SLC17A5: variants seen among roughly 807,000 people sequenced by gnomAD.
SLC17A5 encodes the protein sialin.
Under a neutral mutation model 59.4 loss-of-function variants are expected in SLC17A5, and 47 were observed. The ratio of observed to expected loss-of-function variants is 0.79; its 90% CI spans 0.63 to 1.01. The LOEUF is 1.01. Ranked by LOEUF, SLC17A5 falls within the 50% of genes least tolerant of loss-of-function variation. The pLI, the probability that SLC17A5 is intolerant of heterozygous loss-of-function variation, is 0.00. For missense variants in SLC17A5, 522 were observed against 595.5 expected (o/e 0.88, Z 1.28); for synonymous variants, 202 against 210.7 (o/e 0.96, Z 0.36).
intron 1 of SLC17A5, among the ~76,000 whole-genome samples, chr6:73,648,195 T>C (rs1213354274): frequency 2.0e-5 from 3 of 152,166 alleles, no homozygotes; most frequent in Non-Finnish European, 2.9e-5. Flanking sequence ...ATATATTCAA[T>C]CAGAAAATTT....
At chr6:73,615,912 G>GTCTTAC (rs1269345483) in intron 7 of SLC17A5, among the ~76,000 whole-genome samples, 1 of 122,084 alleles carries the variant, frequency 8.2e-6, no homozygotes, top group Non-Finnish European at 1.6e-5. Context: ...TTGAGATGGA[G>GTCTTAC]TCTTACTCTG....
At chr6:73,637,605 C>CT (rs1769077671) in intron 4 of SLC17A5, among the ~76,000 whole-genome samples, 1 of 152,174 alleles carries the variant, frequency 6.6e-6, no homozygotes, top group African/African-American at 2.4e-5. Flanking sequence ...TCCTTACTCA[C>CT]TGAGTTCTAG....
chr6:73,644,362 T>C, intron 2 of SLC17A5, 45 bp downstream of exon 2: 1 of 1,446,236 alleles, frequency 6.9e-7, no homozygotes. Flanking sequence ...TACTTGCAAG[T>C]ATTTTAGGAT....
chr6:73,600,263 A>G, intron 10 of SLC17A5, 88 bp downstream of exon 10: 2 of 1,015,440 alleles, frequency 2.0e-6, no homozygotes, highest in South Asian at 2.7e-5. Flanking sequence ...AACATTTAGA[A>G]TTTTAAACTT....
chr6:73,597,071 G>C (rs1032639978), intron 10 of SLC17A5, among the ~76,000 whole-genome samples: 6 of 152,158 alleles, frequency 3.9e-5, no homozygotes, highest in African/African-American at 1.4e-4. Context: ...TGAGGCAGGA[G>C]AATTGCTTGA....
intron 6 of SLC17A5, among the ~76,000 whole-genome samples, chr6:73,623,840 G>A (rs1318843872): frequency 6.6e-6 from 1 of 151,792 alleles, no homozygotes; most frequent in East Asian, 2.0e-4. Flanking sequence ...TGGAATCACA[G>A]GCACGTGCCA....
At chr6:73,631,832 T>G (rs1426394974) in intron 6 of SLC17A5, among the ~76,000 whole-genome samples, 1 of 151,624 alleles carries the variant, frequency 6.6e-6, no homozygotes, top group African/African-American at 2.4e-5. Context: ...TTTTTTCCTC[T>G]TATTCATTTT....
At chr6:73,634,655 C>G (rs1429400339) in intron 6 of SLC17A5, among the ~76,000 whole-genome samples, 1 of 152,230 alleles carries the variant, frequency 6.6e-6, no homozygotes, top group Non-Finnish European at 1.5e-5. Flanking sequence ...CTGCCTCAGC[C>G]TCCCAAAGTG....
chr6:73,639,994 C>T (rs561942772), intron 3 of SLC17A5, among the ~76,000 whole-genome samples: 21 of 152,184 alleles, frequency 1.4e-4, no homozygotes, highest in Admixed American at 5.9e-4. Flanking sequence ...TGCAGTGAGC[C>T]GAGATCATGC....
At chr6:73,639,004 A>T (rs1349573171) in intron 3 of SLC17A5, among the ~76,000 whole-genome samples, 1 of 152,228 alleles carries the variant, frequency 6.6e-6, no homozygotes, top group Non-Finnish European at 1.5e-5. Context: ...ACTTTAAAAA[A>T]TACTGAGCTA....
chr6:73,610,569 A>T (rs1581962651), intron 8 of SLC17A5, 22 bp from the exon 9 acceptor site: 1 of 1,613,606 alleles, frequency 6.2e-7, no homozygotes, highest in Non-Finnish European at 8.5e-7. Flanking sequence ...AAGTTATAAA[A>T]GGGAAAAAAC....
intron 4 of SLC17A5, 103 bp from the exon 5 acceptor site, chr6:73,636,810 G>A: frequency 2.3e-6 from 2 of 859,416 alleles, no homozygotes; most frequent in South Asian, 1.4e-5. Flanking sequence ...GCTGGGCACA[G>A]TGGCTCATTC....
chr6:73,621,538 T>C (rs1482248978), intron 7 of SLC17A5, among the ~76,000 whole-genome samples: 3 of 152,244 alleles, frequency 2.0e-5, no homozygotes, highest in Non-Finnish European at 4.4e-5. Flanking sequence ...AAAACTGAGT[T>C]GTCTTTTTAT....
Position 73,653,963 on chromosome 6 carries a change from C to G in SLC17A5, c.-77G>C, listed in dbSNP as rs932672386. 8.3e-6 allele frequency: 11 copies of G among 1,329,496 alleles called. No homozygotes were observed. In the South Asian group the frequency reaches 1.0e-4, roughly 12 times the overall value. The allele number at this position is 1,329,496 out of a possible 1,614,324, so 82.4% of individuals were successfully genotyped here. ...GCCCGACAGCCCGAAGCCCCCGGGCCGAGCTGGCTGGACCGGGCGGGGCGG... is the reference window on the plus strand; with the variant it reads ...GCCCGACAGCCCGAAGCCCCCGGGCGGAGCTGGCTGGACCGGGCGGGGCGG... On this transcript the variant is annotated 5_prime_UTR_variant, in exon 1 of 11. Transcript: ENST00000355773.
In SLC17A5 at chr6:73,635,093, T is replaced by A. The variant is rs635750; in HGVS notation, c.819+289A>T. Reference sequence around the variant, plus strand: ...TTTGTTCATATTTATGTATTTAAAATTTTTTTTTAAATATTTTAAATGTTT... The same window carrying A: ...TTTGTTCATATTTATGTATTTAAAAATTTTTTTTAAATATTTTAAATGTTT... On this transcript the variant is annotated intron_variant, in intron 6 of 10. Transcript: ENST00000355773. The A allele has an allele frequency of 0.16, 26,184 of 168,174 alleles. 3,185 individuals are homozygous for A. Among genetic ancestry groups the A allele is most frequent in the African/African-American group, 0.34 (14,435 of 41,900 alleles). The allele number at this position is 168,174 out of a possible 1,614,324, so 10.4% of individuals were successfully genotyped here.
chr6:73,613,940 G>A (rs529588575), intron 8 of SLC17A5, among the ~76,000 whole-genome samples: 90 of 151,956 alleles, frequency 5.9e-4, no homozygotes, highest in African/African-American at 2.1e-3. Flanking sequence ...GCAATAAAGC[G>A]AGACCTTGTC....
chr6:73,634,341 G>T (rs490454), intron 6 of SLC17A5, among the ~76,000 whole-genome samples: 24,865 of 152,128 alleles, frequency 0.16, 3,142 homozygotes, highest in African/African-American at 0.35. Flanking sequence ...AACCAGAAGT[G>T]TTTTGGATTC....
At chr6:73,640,403 C>A (rs1408588519) in intron 3 of SLC17A5, among the ~76,000 whole-genome samples, 1 of 152,200 alleles carries the variant, frequency 6.6e-6, no homozygotes, top group Non-Finnish European at 1.5e-5. Context: ...ATCCTTATCA[C>A]ATATGAATTT....
intron 9 of SLC17A5, among the ~76,000 whole-genome samples, chr6:73,609,409 C>T (rs925965510): frequency 4.6e-5 from 7 of 152,098 alleles, no homozygotes; most frequent in Non-Finnish European, 7.3e-5. Context: ...GTTTCTTTAG[C>T]GTTCAAATAG....
Sources: allele counts gnomAD v4.1 joint callset (sites outside exome capture counted in the v4.1 genomes callset), GRCh38; gene constraint gnomAD v4.1.1; transcripts MANE v1.5; gene names NCBI Gene and HGNC (gene_info 2026-07-23, HGNC 2026-07-21).